SDCCAG8: variants seen among roughly 807,000 people sequenced by gnomAD.
SDCCAG8 encodes SHH signaling and ciliogenesis regulator SDCCAG8.
Under a neutral mutation model 101.8 loss-of-function variants are expected in SDCCAG8, and 74 were observed. The observed-to-expected ratio is 0.73, with a 90% CI of 0.60 to 0.88. The LOEUF (loss-of-function observed/expected upper bound fraction) is 0.88. SDCCAG8 is among the 40% of genes least tolerant of loss of function. The probability of loss-of-function intolerance (pLI) is 0.00; values close to 1 mark genes in which losing one functional copy is unlikely to be tolerated. For missense variants in SDCCAG8, 787 were observed against 822.6 expected, an observed-to-expected ratio of 0.96 and a Z score of 0.53; for synonymous variants, 281 against 292.9, an observed-to-expected ratio of 0.96 and a Z score of 0.41.
chr1:243,411,853 G>A (rs201125051), intron 13 of SDCCAG8, among the ~76,000 whole-genome samples: 4 of 152,196 alleles, frequency 2.6e-5, no homozygotes, highest in East Asian at 1.9e-4. Context: ...GTTGTTTCCC[G>A]TTTTGAGTGA....
intron 16 of SDCCAG8, among the ~76,000 whole-genome samples, chr1:243,483,851 C>T (rs1036368678): frequency 6.6e-6 from 1 of 152,250 alleles, no homozygotes; most frequent in Admixed American, 6.5e-5. Flanking sequence ...TGGGGCGAGC[C>T]CTTCCCTCTC....
intron 16 of SDCCAG8, among the ~76,000 whole-genome samples, chr1:243,471,313 A>G (rs776911687): frequency 1.8e-4 from 28 of 152,130 alleles, no homozygotes; most frequent in Admixed American, 1.3e-3. Context: ...TGGAGAGGCA[A>G]TTGGCCCTCG....
At chr1:243,338,164 C>G (rs1006881159) in intron 10 of SDCCAG8, among the ~76,000 whole-genome samples, 23 of 152,192 alleles carry the variant, frequency 1.5e-4, no homozygotes, top group Non-Finnish European at 2.9e-4. Context: ...GTCCTCCTGC[C>G]TCAGCCTCCA....
chr1:243,330,649 T>C lies in SDCCAG8; in HGVS notation c.1178T>C (p.Met393Thr). 6.2e-7 allele frequency: 1 copy of C among 1,611,890 alleles called. No homozygotes were observed. Among genetic ancestry groups the C allele is most frequent in the Non-Finnish European group, 8.5e-7 (1 of 1,178,502 alleles). Reference sequence around the variant, plus strand: ...AAAAGGGCCATTGAGAAAGACATGATGAAAAAGGAAATAACGAAAGAAAGG... The same window carrying C: ...AAAAGGGCCATTGAGAAAGACATGACGAAAAAGGAAATAACGAAAGAAAGG... ...QEKRAIEKDM[M>T]KKEITKEREY... Residue 393 changes from methionine to threonine, a missense_variant, in exon 10 of 18, where the codon ATG (methionine) becomes ACG (threonine). Physicochemically the swap from Met to Thr is moderately conservative, Grantham distance 81 (BLOSUM62 -1). Transcript: ENST00000366541.
chr1:243,442,333 C>T (rs1223276113), intron 16 of SDCCAG8, among the ~76,000 whole-genome samples: 2 of 152,082 alleles, frequency 1.3e-5, no homozygotes, highest in Non-Finnish European at 2.9e-5. Flanking sequence ...TGGCTAAGGT[C>T]GGCTCTTGCC....
At position 243,468,408 on chromosome 1, in the gene SDCCAG8, G is replaced by A. The variant is rs527863771; in HGVS notation, c.1986-20606G>A. ...AATTTTTGTATTTTTAGTAGAGATG[G>A]GGTTTCACCATATTGGTCAGGCTGG... is the stretch of plus-strand genomic sequence containing the variant. On this transcript the variant is annotated intron_variant, in intron 16 of 17. Coordinates refer to ENST00000366541, the MANE Select transcript of SDCCAG8 (RefSeq NM_006642.5). Among the ~76,000 whole-genome samples, 19 of 152,160 alleles carry A rather than the reference G, an allele frequency of 1.2e-4. No homozygotes were observed. In the South Asian group the frequency reaches 1.5e-3, roughly 12 times the overall value.
chr1:243,422,460 C>A (rs2081075512), intron 15 of SDCCAG8, among the ~76,000 whole-genome samples: 1 of 152,138 alleles, frequency 6.6e-6, no homozygotes, highest in African/African-American at 2.4e-5. Flanking sequence ...TATATTTTAA[C>A]ACTATACTTT....
chr1:243,296,938 C>T (rs1433309335), intron 6 of SDCCAG8, among the ~76,000 whole-genome samples: 1 of 152,032 alleles, frequency 6.6e-6, no homozygotes, highest in African/African-American at 2.4e-5. Flanking sequence ...ATTATACCCT[C>T]CTCCTTTATA....
intron 16 of SDCCAG8, among the ~76,000 whole-genome samples, chr1:243,447,656 G>T (rs1010695849): frequency 1.3e-5 from 2 of 152,172 alleles, no homozygotes; most frequent in Non-Finnish European, 2.9e-5. Flanking sequence ...AGGTTTGCAT[G>T]ATATCTTAGT....
intron 15 of SDCCAG8, 91 bp from the exon 16 acceptor site, chr1:243,426,336 G>A: frequency 2.8e-6 from 3 of 1,083,362 alleles, no homozygotes; most frequent in Non-Finnish European, 4.1e-6. Context: ...TTTAAGTGTG[G>A]AGTTTAAGAT....
Position 243,262,286 on chromosome 1 carries a change from A to G in SDCCAG8, c.67+6046A>G, listed in dbSNP as rs552394360. On this transcript the variant is annotated intron_variant, in intron 1 of 17. Transcript: ENST00000366541. Reference sequence around the variant, plus strand: ...ACGCCCGGCTAATTTTTTTATTTTTAGTAGAGGCAGGGTTTCACCATGTTG... The same window carrying G: ...ACGCCCGGCTAATTTTTTTATTTTTGGTAGAGGCAGGGTTTCACCATGTTG... Among the ~76,000 whole-genome samples, 72 of 146,882 alleles carry G rather than the reference A, an allele frequency of 4.9e-4. 2 individuals carry two copies. Among genetic ancestry groups the G allele is most frequent in the African/African-American group, 1.6e-3 (66 of 40,780 alleles).
chr1:243,295,708 G>A (rs1201931831), intron 6 of SDCCAG8, among the ~76,000 whole-genome samples: 1 of 152,124 alleles, frequency 6.6e-6, no homozygotes, highest in Admixed American at 6.5e-5. Context: ...CTATTGAAAT[G>A]TTTCCAGTCT....
chr1:243,442,786 C>A (rs1010340104), intron 16 of SDCCAG8, among the ~76,000 whole-genome samples: 6 of 152,158 alleles, frequency 3.9e-5, no homozygotes, highest in Non-Finnish European at 8.8e-5. Flanking sequence ...CAGACTACTT[C>A]TTTAGTGTCA....
At chr1:243,405,175 A>G (rs1166544159) in intron 13 of SDCCAG8, among the ~76,000 whole-genome samples, 1 of 152,112 alleles carries the variant, frequency 6.6e-6, no homozygotes, top group Non-Finnish European at 1.5e-5. Flanking sequence ...CCAAACTTAG[A>G]CTTCTTGCTA....
chr1:243,349,023 A>C (rs1022312612), intron 12 of SDCCAG8, among the ~76,000 whole-genome samples: 12 of 151,706 alleles, frequency 7.9e-5, no homozygotes, highest in East Asian at 1.9e-4. Context: ...AAAAAAAAAA[A>C]CACAATTCTA....
At chr1:243,296,900 C>G (rs1208890207) in intron 6 of SDCCAG8, among the ~76,000 whole-genome samples, 1 of 152,138 alleles carries the variant, frequency 6.6e-6, no homozygotes, top group Non-Finnish European at 1.5e-5. Context: ...AACCTAGTAG[C>G]AGCTTTGTAT....
chr1:243,373,308 A>G (rs1008796912), intron 12 of SDCCAG8, among the ~76,000 whole-genome samples: 1 of 152,108 alleles, frequency 6.6e-6, no homozygotes, highest in Non-Finnish European at 1.5e-5. Context: ...CCTGCCCTAT[A>G]TGTTTCATGC....
intron 13 of SDCCAG8, among the ~76,000 whole-genome samples, chr1:243,408,317 G>A (rs1215588869): frequency 6.6e-6 from 1 of 152,202 alleles, no homozygotes; most frequent in Non-Finnish European, 1.5e-5. Flanking sequence ...TTAGATTCCA[G>A]ATTGATGCAC....
chr1:243,478,152 C>T (rs763431914), intron 16 of SDCCAG8, among the ~76,000 whole-genome samples: 1 of 152,176 alleles, frequency 6.6e-6, no homozygotes, highest in African/African-American at 2.4e-5. Flanking sequence ...GGTTACCCAG[C>T]GTGTTCTCTC....
Sources: allele counts gnomAD v4.1 joint callset (sites outside exome capture counted in the v4.1 genomes callset), GRCh38; gene constraint gnomAD v4.1.1; transcripts MANE v1.5; gene names NCBI Gene and HGNC (gene_info 2026-07-23, HGNC 2026-07-21).